CDH13: variants seen among roughly 807,000 people sequenced by gnomAD.
CDH13 encodes cadherin 13, also known as cadherin-13.
Under a neutral mutation model 63.8 loss-of-function variants are expected in CDH13, and 24 were observed. The observed-to-expected ratio is 0.38, with a 90% confidence interval of 0.27 to 0.53. The LOEUF (loss-of-function observed/expected upper bound fraction) is 0.53, where lower values mean the gene tolerates loss of function less well. CDH13 is among the 20% of genes least tolerant of loss of function. The pLI is 0.85. For missense variants in CDH13, 1,049 were observed against 903.1 expected (o/e 1.16, Z -2.07); for synonymous variants, 503 against 355.3 (o/e 1.42, Z -4.67).
At chr16:83,216,427 T>TATATATATATATATATATATAA (rs71148821) in intron 4 of CDH13, among the ~76,000 whole-genome samples, 1,321 of 44,960 alleles carry the variant, frequency 0.029, 273 homozygotes, top group Non-Finnish European at 0.048. Flanking sequence ...TATATATATA[T>TATATATATATATATATATATAA]ATATATATAT....
intron 6 of CDH13, among the ~76,000 whole-genome samples, chr16:83,382,418 A>C (rs1381018713): frequency 6.6e-6 from 1 of 152,182 alleles, no homozygotes; most frequent in African/African-American, 2.4e-5. Flanking sequence ...AACAGAACAA[A>C]GAACTTCCAT....
At chr16:83,102,948 C>CTTTTTTTTTTTTTTTTTTTTT (rs71148813) in intron 3 of CDH13, among the ~76,000 whole-genome samples, 4 of 69,030 alleles carry the variant, frequency 5.8e-5, no homozygotes, top group African/African-American at 2.1e-4. Context: ...TTTTCTTTTT[C>CTTTTTTTTTTTTTTTTTTTTT]TTTTTTTTTT....
intron 2 of CDH13, among the ~76,000 whole-genome samples, chr16:82,911,023 A>G (rs913755541): frequency 2.0e-5 from 3 of 152,178 alleles, no homozygotes; most frequent in African/African-American, 7.2e-5. Flanking sequence ...CTCAGAACTC[A>G]GTACTGCCGC....
intron 1 of CDH13, among the ~76,000 whole-genome samples, chr16:82,741,728 A>G (rs1320767672): frequency 6.6e-6 from 1 of 152,326 alleles, no homozygotes. Flanking sequence ...TAAAGACACT[A>G]TAAACAAATA....
intron 3 of CDH13, among the ~76,000 whole-genome samples, chr16:83,052,770 T>G (rs8053765): frequency 2.5e-5 from 3 of 120,712 alleles, no homozygotes; most frequent in South Asian, 2.8e-4. Context: ...GGGCGAGACT[T>G]TATCTCAAAA....
intron 5 of CDH13, among the ~76,000 whole-genome samples, chr16:83,268,454 G>T (rs2088692136): frequency 6.6e-6 from 1 of 152,166 alleles, no homozygotes; most frequent in African/African-American, 2.4e-5. Flanking sequence ...TTCCAAACCA[G>T]CAGTCAGCAT....
Position 82,691,428 on chromosome 16 carries a change from AATGGGTGTCCC to A in CDH13, c.45+64293_45+64303del, listed in dbSNP as rs1468205972. Among the ~76,000 whole-genome samples, 5 of 152,258 alleles carry A rather than the reference AATGGGTGTCCC, an allele frequency of 3.3e-5. No individual in the cohort carries two copies. In the East Asian group the frequency reaches 9.7e-4, roughly 30 times the overall value. ...CAAGCTATAGGGGTGAAAGTTGGTG[AATGGGTGTCCC>A]AGCCTCCCTGCCCTTTGGTGGGACA... is the stretch of plus-strand genomic sequence containing the variant. On this transcript the variant is annotated intron_variant, in intron 1 of 13. Transcript: ENST00000567109.
chr16:83,479,832 C>G (rs2039588298), intron 6 of CDH13, among the ~76,000 whole-genome samples: 1 of 152,154 alleles, frequency 6.6e-6, no homozygotes, highest in African/African-American at 2.4e-5. Context: ...GGCTTGTGCC[C>G]TGCAAGGGGC....
intron 3 of CDH13, among the ~76,000 whole-genome samples, chr16:83,043,713 G>C (rs952936741): frequency 7.2e-5 from 11 of 151,856 alleles, no homozygotes; most frequent in African/African-American, 2.7e-4. Context: ...ACAAAAATTA[G>C]CTGGGCATGG....
At chr16:83,534,539 C>T (rs2075146788) in intron 7 of CDH13, among the ~76,000 whole-genome samples, 1 of 152,242 alleles carries the variant, frequency 6.6e-6, no homozygotes, top group Non-Finnish European at 1.5e-5. Context: ...ATGTACATGG[C>T]TTGACTCAGG....
At chr16:83,482,704 C>G (rs1344039840) in intron 6 of CDH13, among the ~76,000 whole-genome samples, 1 of 152,084 alleles carries the variant, frequency 6.6e-6, no homozygotes, top group Non-Finnish European at 1.5e-5. Context: ...TCTTAGAGGC[C>G]GACTAGAGGA....
chr16:83,551,287 G>C (rs113553659), intron 7 of CDH13, among the ~76,000 whole-genome samples: 3,213 of 152,184 alleles, frequency 0.021, 134 homozygotes, highest in African/African-American at 0.074. Flanking sequence ...TCACCATGTT[G>C]AGCAGGTGAC....
At chr16:83,241,055 T>A (rs531860912) in intron 5 of CDH13, among the ~76,000 whole-genome samples, 143 of 152,358 alleles carry the variant, frequency 9.4e-4, no homozygotes, top group African/African-American at 3.2e-3. Context: ...CTGCTTTAGA[T>A]ACTTTGAATG....
intron 6 of CDH13, among the ~76,000 whole-genome samples, chr16:83,478,312 G>A (rs1329271231): frequency 2.6e-5 from 4 of 152,184 alleles, no homozygotes. Context: ...TGCCTTGAGA[G>A]CGCTTTACTC....
At chr16:82,633,193 T>C (rs542459499) in intron 1 of CDH13, among the ~76,000 whole-genome samples, 1 of 152,330 alleles carries the variant, frequency 6.6e-6, no homozygotes, top group Admixed American at 6.5e-5. Context: ...ACCAAGAGCA[T>C]GGCTGTCCTT....
rs539659966 is a variant in CDH13 at position 83,128,633 on chromosome 16, C to G, written c.483+3132C>G. Among the ~76,000 whole-genome samples, 26 of 152,344 alleles carry G rather than the reference C, an allele frequency of 1.7e-4. No homozygotes were observed. In the South Asian group the frequency reaches 2.5e-3, roughly 15 times the overall value. ...TTAGACAATAAATTATGTAGCCATCCTATAGTTTTCTTCAATTACACACAA... is the reference window on the plus strand; with the variant it reads ...TTAGACAATAAATTATGTAGCCATCGTATAGTTTTCTTCAATTACACACAA... On this transcript the variant is annotated intron_variant, in intron 4 of 13. Transcript: ENST00000567109.
intron 6 of CDH13, among the ~76,000 whole-genome samples, chr16:83,347,364 G>A (rs979248736): frequency 1.3e-5 from 2 of 149,868 alleles, no homozygotes; most frequent in African/African-American, 4.9e-5. Context: ...TGGGGTTTGG[G>A]TGGGGGTAGG....
chr16:83,148,274 A>G (rs1005845098), intron 4 of CDH13, among the ~76,000 whole-genome samples: 16 of 152,314 alleles, frequency 1.1e-4, no homozygotes, highest in African/African-American at 3.4e-4. Context: ...AGAGACCACA[A>G]TAGGCACAGA....
chr16:83,325,842 C>T (rs1454095999), intron 5 of CDH13, among the ~76,000 whole-genome samples: 1 of 152,118 alleles, frequency 6.6e-6, no homozygotes, highest in Non-Finnish European at 1.5e-5. Context: ...GAGGCATATT[C>T]TTATGTTGCT....
Sources: gnomAD v4.1 joint callset for allele counts (sites outside exome capture counted in the v4.1 genomes callset) on GRCh38, gnomAD v4.1.1 for gene constraint, MANE v1.5 for transcripts, NCBI Gene and HGNC (gene_info 2026-07-23, HGNC 2026-07-21) for gene names.